Variants in TGM6 observed in about 807,000 individuals in gnomAD.
TGM6 encodes the protein protein-glutamine gamma-glutamyltransferase 6.
In TGM6, 74 loss-of-function variants were observed where a neutral mutation model predicts 77.5. That is an observed-to-expected ratio of 0.96 (90% CI 0.79 to 1.16). The LOEUF (loss-of-function observed/expected upper bound fraction) is 1.16. Ranked by LOEUF, TGM6 falls within the 50% of genes most tolerant of loss-of-function variation. The pLI, the probability that TGM6 is intolerant of heterozygous loss-of-function variation, is 0.00. For missense variants in TGM6, 968 were observed against 940.2 expected (o/e 1.03, Z -0.39); for synonymous variants, 383 against 378.9 (o/e 1.01, Z -0.12).
chr20:2,383,481 G>A (rs1201237046), intron 1 of TGM6, among the ~76,000 whole-genome samples: 19 of 152,168 alleles, frequency 1.2e-4, no homozygotes, highest in Admixed American at 1.2e-3. Context: ...TTGGGGAGGA[G>A]GTCAGAGGGC....
intron 12 of TGM6, 58 bp from the exon 13 acceptor site, chr20:2,432,432 C>G: frequency 6.2e-7 from 1 of 1,608,298 alleles, no homozygotes; most frequent in South Asian, 1.1e-5. Flanking sequence ...ATTGGCAGGC[C>G]AGACTCAGAA....
chr20:2,392,911 G>T (rs1386296922), intron 1 of TGM6, among the ~76,000 whole-genome samples: 2 of 152,074 alleles, frequency 1.3e-5, no homozygotes, highest in African/African-American at 2.4e-5. Context: ...TCAGAAAAAG[G>T]AAGGTGCTTC....
chr20:2,385,042 G>A (rs1379656997), intron 1 of TGM6, among the ~76,000 whole-genome samples: 4 of 152,176 alleles, frequency 2.6e-5, no homozygotes, highest in Non-Finnish European at 5.9e-5. Flanking sequence ...CCCCTCCATT[G>A]GGCAGTGGGT....
intron 12 of TGM6, among the ~76,000 whole-genome samples, chr20:2,431,839 T>C (rs1274041145): frequency 6.6e-6 from 1 of 151,918 alleles, no homozygotes; most frequent in Non-Finnish European, 1.5e-5. Flanking sequence ...TGATGGCTGG[T>C]GTTGTCAGGG....
chr20:2,428,255 A>T (rs2084901920), intron 10 of TGM6, among the ~76,000 whole-genome samples: 2 of 152,164 alleles, frequency 1.3e-5, no homozygotes, highest in Non-Finnish European at 2.9e-5. Flanking sequence ...CAGCTGAGTG[A>T]CGGTGCTATT....
chr20:2,428,505 G>T (rs1004086721), intron 10 of TGM6, among the ~76,000 whole-genome samples: 2 of 152,112 alleles, frequency 1.3e-5, no homozygotes, highest in African/African-American at 4.8e-5. Flanking sequence ...CCCAGGTGAC[G>T]CTGATGCTGC....
intron 1 of TGM6, among the ~76,000 whole-genome samples, chr20:2,388,042 C>CTT (rs2084607635): frequency 6.6e-6 from 1 of 152,176 alleles, no homozygotes; most frequent in Admixed American, 6.5e-5. Context: ...GCTGTATTAA[C>CTT]TTTTATAATC....
rs116787233 is a variant in TGM6, at chr20:2,415,408, C to T, written c.1337-1824C>T. 4.3e-3 allele frequency among the ~76,000 whole-genome samples: 658 copies of T among 152,254 alleles called. 4 individuals carry two copies. Among genetic ancestry groups the T allele is most frequent in the African/African-American group, 0.014 (571 of 41,532 alleles). ...GAAACAGAACTGGAATGGGATGGATCCTACATTCCCAGGAAGGGAGGGGAT... is the reference window on the plus strand; with the variant it reads ...GAAACAGAACTGGAATGGGATGGATTCTACATTCCCAGGAAGGGAGGGGAT... On this transcript the variant is annotated intron_variant, in intron 9 of 12. Coordinates refer to ENST00000202625, the MANE Select transcript of TGM6 (RefSeq NM_198994.3).
chr20:2,416,554 A>C (rs568444699), intron 9 of TGM6, among the ~76,000 whole-genome samples: 4 of 152,330 alleles, frequency 2.6e-5, no homozygotes, highest in Non-Finnish European at 5.9e-5. Flanking sequence ...ATTATGCAGA[A>C]ATTTTTAGGA....
At chr20:2,396,711 C>A in intron 4 of TGM6, 87 bp downstream of exon 4, 1 of 1,245,822 alleles carries the variant, frequency 8.0e-7, no homozygotes, top group South Asian at 1.2e-5. Flanking sequence ...GCTCACTCTT[C>A]TCAGGAGGGA....
At chr20:2,397,643 C>A (rs905581557) in intron 4 of TGM6, among the ~76,000 whole-genome samples, 2 of 152,242 alleles carry the variant, frequency 1.3e-5, no homozygotes, top group East Asian at 3.9e-4. Flanking sequence ...CGAGAGCCTC[C>A]GATTTTAGCT....
At chr20:2,387,147 C>T (rs1250840981) in intron 1 of TGM6, among the ~76,000 whole-genome samples, 1 of 152,192 alleles carries the variant, frequency 6.6e-6, no homozygotes, top group African/African-American at 2.4e-5. Context: ...GCTCTTCCAG[C>T]TCTGCTGATA....
intron 1 of TGM6, among the ~76,000 whole-genome samples, chr20:2,393,211 G>C (rs1037647364): frequency 2.6e-5 from 4 of 152,238 alleles, no homozygotes; most frequent in African/African-American, 7.2e-5. Flanking sequence ...ATTGTCACCT[G>C]ACCTGACATG....
At position 2,399,543 on chromosome 20, in the gene TGM6, G is replaced by A. The variant is rs780004688; in HGVS notation, c.673-18G>A. The stretch of plus-strand genomic sequence containing the variant: ...GGAAGCCCTGCCTGGTTGTGGACCC[G>A]TGCCCTCCTCTGCCCAGGTGAACAG... On this transcript the variant is annotated intron_variant, in intron 5 of 12. Coordinates refer to ENST00000202625, the MANE Select transcript of TGM6 (RefSeq NM_198994.3). 25 of 1,612,158 alleles carry A rather than the reference G, an allele frequency of 1.6e-5. No homozygotes were observed. The highest frequency in any genetic ancestry group is 2.2e-5 in the South Asian group (2 of 91,006).
At chr20:2,381,575 G>A (rs1367534867) in intron 1 of TGM6, among the ~76,000 whole-genome samples, 1 of 152,232 alleles carries the variant, frequency 6.6e-6, no homozygotes, top group Non-Finnish European at 1.5e-5. Context: ...GACCACGTGT[G>A]CTGTTCTCCC....
At chr20:2,382,892 A>T (rs2084565955) in intron 1 of TGM6, among the ~76,000 whole-genome samples, 1 of 152,164 alleles carries the variant, frequency 6.6e-6, no homozygotes, top group South Asian at 2.1e-4. Context: ...CCAGTTGATC[A>T]GTGTTGGCAA....
intron 9 of TGM6, among the ~76,000 whole-genome samples, chr20:2,408,247 C>T (rs1197410952): frequency 6.6e-6 from 1 of 152,112 alleles, no homozygotes; most frequent in Non-Finnish European, 1.5e-5. Flanking sequence ...GTCTGTGGAA[C>T]CAGGACACAT....
At chr20:2,389,241 A>G (rs1346032226) in intron 1 of TGM6, among the ~76,000 whole-genome samples, 1 of 152,188 alleles carries the variant, frequency 6.6e-6, no homozygotes, top group Admixed American at 6.5e-5. Context: ...ATGGAAAGGA[A>G]CCAAGGTGCC....
intron 10 of TGM6, among the ~76,000 whole-genome samples, chr20:2,419,242 C>A (rs2084840290): frequency 2.6e-5 from 4 of 152,120 alleles, no homozygotes; most frequent in African/African-American, 9.7e-5. Flanking sequence ...ATCTCTATCT[C>A]TCCTTTGCCT....
Sources: allele counts gnomAD v4.1 joint callset (sites outside exome capture counted in the v4.1 genomes callset), GRCh38; gene constraint gnomAD v4.1.1; transcripts MANE v1.5; gene names NCBI Gene and HGNC (gene_info 2026-07-23, HGNC 2026-07-21).